The following ZSWIM2 variants were observed in gnomAD, a reference collection of about 807,000 sequenced individuals.
The protein encoded by ZSWIM2 is zinc finger SWIM-type containing 2.
Under a neutral mutation model 48.4 loss-of-function variants are expected in ZSWIM2, and 38 were observed. That is an observed-to-expected ratio of 0.79 (90% CI 0.61 to 1.03). The LOEUF is 1.03. ZSWIM2 is among the 50% of genes least tolerant of loss of function. ZSWIM2 has a pLI of 0.00. For missense variants in ZSWIM2, 776 were observed against 730.2 expected (o/e 1.06, Z -0.72); for synonymous variants, 240 against 251.3 (o/e 0.96, Z 0.42).
chr2:186,845,902 A>T (rs1691989676), intron 2 of ZSWIM2, among the ~76,000 whole-genome samples: 1 of 151,792 alleles, frequency 6.6e-6, no homozygotes, highest in Non-Finnish European at 1.5e-5. Context: ...CATCCTATTC[A>T]ATAAATAGTG....
At chr2:186,833,091 A>G in intron 7 of ZSWIM2, 29 bp downstream of exon 7, 2 of 1,044,462 alleles carry the variant, frequency 1.9e-6, no homozygotes, top group South Asian at 3.4e-5. Context: ...CTGTCATACA[A>G]CAAATATAAA....
chr2:186,847,811 G>A lies in ZSWIM2; in HGVS notation c.166-16C>T, dbSNP rs894238263. 2.5e-6 allele frequency: 4 copies of A among 1,592,416 alleles called. No individual in the cohort carries two copies. Among genetic ancestry groups the A allele is most frequent in the South Asian group, 1.1e-5 (1 of 87,986 alleles). On this transcript the variant is annotated splice_polypyrimidine_tract_variant and intron_variant, in intron 1 of 8. Coordinates refer to ENST00000295131, the MANE Select transcript of ZSWIM2 (RefSeq NM_182521.3). The stretch of plus-strand genomic sequence containing the variant: ...CTAGAAAAACCTTTAAAGGAAAAAT[G>A]CATACTTAAAAAGACCAGTAAAATT...
rs557064394 is a variant in ZSWIM2 at position 186,837,254 on chromosome 2, A to G, written c.743+52T>C. ...GTACTCTAATGCTCAAAGTTTCCTG[A>G]TGTAAAAAAATAAAAAAGAACACAT... On this transcript the variant is annotated intron_variant, in intron 5 of 8. Coordinates refer to ENST00000295131, the MANE Select transcript of ZSWIM2 (RefSeq NM_182521.3). The G allele has an allele frequency of 1.3e-6, 2 of 1,592,122 alleles. 1 individual carries two copies. Among genetic ancestry groups the G allele is most frequent in the South Asian group, 2.3e-5 (2 of 88,744 alleles).
chr2:186,834,444 G>C (rs1025347676), intron 5 of ZSWIM2, among the ~76,000 whole-genome samples: 3 of 152,090 alleles, frequency 2.0e-5, no homozygotes, highest in Non-Finnish European at 4.4e-5. Flanking sequence ...TTGTGGGAGA[G>C]CAAATCTCCT....
At chr2:186,832,876 G>A (rs1300600400) in intron 7 of ZSWIM2, among the ~76,000 whole-genome samples, 2 of 152,084 alleles carry the variant, frequency 1.3e-5, no homozygotes, top group Admixed American at 1.3e-4. Flanking sequence ...GGAAAATGTG[G>A]CAGATAGAAG....
At chr2:186,848,284 G>T (rs1361123228) in intron 1 of ZSWIM2, among the ~76,000 whole-genome samples, 1 of 151,964 alleles carries the variant, frequency 6.6e-6, no homozygotes, top group Non-Finnish European at 1.5e-5. Flanking sequence ...AGTAAAAAAA[G>T]ATGCTTTAAA....
At chr2:186,836,209 C>T (rs1324953934) in intron 5 of ZSWIM2, among the ~76,000 whole-genome samples, 1 of 152,028 alleles carries the variant, frequency 6.6e-6, no homozygotes. Flanking sequence ...TGGTCCTATC[C>T]ACCCCTCTTG....
At position 186,828,095 on chromosome 2, in the gene ZSWIM2, A is replaced by G. The variant is rs766918001; in HGVS notation, c.1791T>C (p.Cys597=). ...KLSLSKRYSN[C]MGEITRKCSH... ...TACATTTTCGTGTAATTTCCCCCAT[A>G]CAGTTACTATACCTTTTAGACAAAC... Residue 597 remains cysteine (C), a synonymous_variant, in exon 9 of 9, where the codon TGT becomes TGC. Transcript: ENST00000295131. 3.1e-6 allele frequency: 5 copies of G among 1,613,348 alleles called. No homozygotes were observed. The South Asian group carries it at 3.3e-5, about 11-fold the overall frequency.
At position 186,829,726 on chromosome 2, in the gene ZSWIM2, C is replaced by G; in HGVS notation, c.1095+1G>C. On this transcript the variant is annotated splice_donor_variant, in intron 8 of 8. Transcript: ENST00000295131. LOFTEE classifies it high-confidence loss of function. ...TAAAACTAAAATGATGTGACTTTTA[C>G]CTTGTGAGTACATGGTAGCAATCTT... 1 of 1,606,912 alleles carries G rather than the reference C, an allele frequency of 6.2e-7. No homozygotes were observed.
chr2:186,840,451 G>A (rs971944781), intron 3 of ZSWIM2, among the ~76,000 whole-genome samples: 5 of 146,270 alleles, frequency 3.4e-5, no homozygotes, highest in African/African-American at 1.4e-4. Flanking sequence ...AAAGAGAAGA[G>A]CAAGACAGCT....
chr2:186,849,145 G>C lies in ZSWIM2; in HGVS notation c.-15C>G, dbSNP rs1157365781. The C allele has an allele frequency of 1.2e-6, 2 of 1,601,334 alleles. No individual in the cohort carries two copies. The highest frequency in any genetic ancestry group is 8.5e-7 in the Non-Finnish European group (1 of 1,171,914). Reference sequence around the variant, plus strand: ...CGGCGAAGCATGCTGGGTGCGGGCGGAGGCGGCCCCTCTGCTCGGCTCACT... The same window carrying C: ...CGGCGAAGCATGCTGGGTGCGGGCGCAGGCGGCCCCTCTGCTCGGCTCACT... On this transcript the variant is annotated 5_prime_UTR_variant, in exon 1 of 9. Coordinates refer to ENST00000295131, the MANE Select transcript of ZSWIM2 (RefSeq NM_182521.3).
chr2:186,844,692 A>G, intron 3 of ZSWIM2, 25 bp downstream of exon 3: 2 of 1,545,498 alleles, frequency 1.3e-6, no homozygotes, highest in African/African-American at 1.4e-5. Context: ...AAAAAAACAC[A>G]AAAAACCCAA....
In ZSWIM2 at chr2:186,828,139, A is replaced by G. The variant is rs376594196; in HGVS notation, c.1747T>C (p.Trp583Arg). The change falls in exon 9 of 9, where the codon TGG becomes CGG. Residue 583 changes from tryptophan to arginine, a missense_variant. Trp to Arg is a moderately radical substitution (Grantham distance 101). Coordinates refer to ENST00000295131, the MANE Select transcript of ZSWIM2 (RefSeq NM_182521.3). ...LPEDFNLIVN[W>R]STAKLSLSKR... ...GACAAACTAAGTTTAGCTGTGCTCC[A>G]ATTGACAATAAGATTGAAATCCTCT... is the stretch of plus-strand genomic sequence containing the variant. 293 of 1,613,462 alleles carry G rather than the reference A, an allele frequency of 1.8e-4. No homozygotes were observed. Among genetic ancestry groups the G allele is most frequent in the South Asian group, 3.4e-4 (31 of 91,070 alleles).
chr2:186,831,692 G>A (rs530479045), intron 7 of ZSWIM2, among the ~76,000 whole-genome samples: 1 of 152,084 alleles, frequency 6.6e-6, no homozygotes, highest in East Asian at 1.9e-4. Flanking sequence ...ATACTATGCA[G>A]CCATAAAAAA....
chr2:186,829,426 T>G (rs144810216), intron 8 of ZSWIM2, among the ~76,000 whole-genome samples: 59 of 152,296 alleles, frequency 3.9e-4, no homozygotes, highest in African/African-American at 1.4e-3. Flanking sequence ...ATATTAGTAT[T>G]CTATAACCTT....
chr2:186,838,356 A>G (rs1453896136), intron 4 of ZSWIM2, among the ~76,000 whole-genome samples: 1 of 151,288 alleles, frequency 6.6e-6, no homozygotes, highest in African/African-American at 2.4e-5. Context: ...GTAAAAAAAA[A>G]AAAAGATTTG....
chr2:186,828,363 A>G lies in ZSWIM2; in HGVS notation c.1523T>C (p.Ile508Thr). The G allele has an allele frequency of 2.5e-6, 4 of 1,613,760 alleles. No homozygotes were observed. The highest frequency in any genetic ancestry group is 3.4e-6 in the Non-Finnish European group (4 of 1,179,802). The change falls in exon 9 of 9, where the codon ATA (isoleucine) becomes ACA (threonine). Residue 508 changes from isoleucine to threonine, a missense_variant. Ile to Thr is a moderately conservative substitution (Grantham distance 89). Transcript: ENST00000295131. Reference protein sequence around the residue: ...QDLPTVSFGKIPSQTLLPPIV... With the variant: ...QDLPTVSFGKTPSQTLLPPIV... ...AGGAGGAAGCAGTGTTTGAGATGGTATTTTCCCAAATGACACAGTGGGTAA... is the reference window on the plus strand; with the variant it reads ...AGGAGGAAGCAGTGTTTGAGATGGTGTTTTCCCAAATGACACAGTGGGTAA...
chr2:186,845,370 C>T lies in ZSWIM2; in HGVS notation c.243-613G>A, dbSNP rs115121906. Among the ~76,000 whole-genome samples, 677 of 151,182 alleles carry T rather than the reference C, an allele frequency of 4.5e-3. 5 individuals carry two copies. Among genetic ancestry groups the T allele is most frequent in the African/African-American group, 0.015 (618 of 41,400 alleles). On this transcript the variant is annotated intron_variant, in intron 2 of 8. Transcript: ENST00000295131. ...ATAATCAAAAGAGAATACCCTTCCC[C>T]TGACATAAAATGAAAATGGAAAAAA...
In ZSWIM2 at chr2:186,846,524, C is replaced by T. The variant is rs150290408; in HGVS notation, c.242+1195G>A. Among the ~76,000 whole-genome samples the T allele has an allele frequency of 1.3e-3, 200 of 151,896 alleles. 1 individual carries two copies. Among genetic ancestry groups the T allele is most frequent in the African/African-American group, 4.6e-3 (192 of 41,486 alleles). On this transcript the variant is annotated intron_variant, in intron 2 of 8. Coordinates refer to ENST00000295131, the MANE Select transcript of ZSWIM2 (RefSeq NM_182521.3). ...CTGGAGAAAGGGGAATGCTTATATA[C>T]TATTGCTAGGAATGTAAATTAGTTC...
Sources: gnomAD v4.1 joint callset for allele counts (sites outside exome capture counted in the v4.1 genomes callset) on GRCh38, gnomAD v4.1.1 for gene constraint, MANE v1.5 for transcripts, NCBI Gene and HGNC (gene_info 2026-07-23, HGNC 2026-07-21) for gene names.